The following RAB43 variants were observed in gnomAD, a reference collection of about 807,000 sequenced individuals.
The protein encoded by RAB43 is RAB43, member RAS oncogene family.
Under a neutral mutation model 18.8 loss-of-function variants are expected in RAB43, and 6 were observed. That is an observed-to-expected ratio of 0.32 (90% confidence interval 0.17 to 0.63). The LOEUF (loss-of-function observed/expected upper bound fraction) is 0.63. Among genes scored for constraint, RAB43 ranks in the 30% least tolerant of loss-of-function variants. RAB43 has a pLI of 0.79. For missense variants in RAB43, 195 were observed against 289.1 expected (o/e 0.67, Z 2.36); for synonymous variants, 103 against 124.1 (o/e 0.83, Z 1.13).
chr3:129,097,858 AG>A (rs748358285), intron 1 of RAB43, among the ~76,000 whole-genome samples: 4 of 152,166 alleles, frequency 2.6e-5, no homozygotes, highest in Non-Finnish European at 5.9e-5. Flanking sequence ...CCCCTAAAAA[AG>A]GAAAAACTCA....
chr3:129,092,364 T>A, intron 2 of RAB43: 1 of 483,078 alleles, frequency 2.1e-6, no homozygotes. Context: ...TGAATTTGTC[T>A]CAATAATCCG....
chr3:129,115,971 T>C (rs1422356765), intron 1 of RAB43, among the ~76,000 whole-genome samples: 2 of 152,244 alleles, frequency 1.3e-5, no homozygotes, highest in African/African-American at 4.8e-5. Flanking sequence ...ATGTACTGTA[T>C]CACAGTGCTT....
At chr3:129,106,663 C>T (rs1286798312) in intron 1 of RAB43, among the ~76,000 whole-genome samples, 2 of 152,130 alleles carry the variant, frequency 1.3e-5, no homozygotes, top group African/African-American at 2.4e-5. Context: ...CACAGGCTGG[C>T]GGCAGGCAGA....
At chr3:129,092,981 G>C (rs1483375166) in intron 2 of RAB43, among the ~76,000 whole-genome samples, 3 of 150,434 alleles carry the variant, frequency 2.0e-5, no homozygotes, top group Non-Finnish European at 4.4e-5. Flanking sequence ...TTCTATAATA[G>C]AATGTTTTTT....
chr3:129,099,330 A>G (rs1220810429), intron 1 of RAB43, among the ~76,000 whole-genome samples: 1 of 151,558 alleles, frequency 6.6e-6, no homozygotes, highest in Non-Finnish European at 1.5e-5. Flanking sequence ...TGACCTTGTG[A>G]TCTGCCCACC....
At position 129,092,755 on chromosome 3, in the gene RAB43, G is replaced by C. The variant is rs561047058; in HGVS notation, c.389-1409C>G. 4.1e-3 allele frequency among the ~76,000 whole-genome samples: 622 copies of C among 152,110 alleles called. 2 individuals carry two copies. The highest frequency in any genetic ancestry group is 7.1e-3 in the Non-Finnish European group (486 of 67,980). On this transcript the variant is annotated intron_variant, in intron 2 of 2. Transcript: ENST00000315150. ...GTGGATCACGAGGTCAGGAAATCGA[G>C]ACCATCCTGGCTAACATGGTGAAAC...
At position 129,104,302 on chromosome 3, in the gene RAB43, C is replaced by T. The variant is rs79319980; in HGVS notation, c.205-9133G>A. Among the ~76,000 whole-genome samples the T allele has an allele frequency of 4.4e-3, 677 of 152,340 alleles. 1 individual carries two copies. The highest frequency in any genetic ancestry group is 0.015 in the African/African-American group (640 of 41,572). On this transcript the variant is annotated intron_variant, in intron 1 of 2. Coordinates refer to ENST00000315150, the MANE Select transcript of RAB43 (RefSeq NM_198490.3). The stretch of plus-strand genomic sequence containing the variant: ...CACCCCCAAGCTCTCCTCCTGCACA[C>T]TCACCTGACCAGCCACTAACCTGAC...
rs879764211 is a variant in RAB43, at chr3:129,095,777, C to T, written c.205-608G>A. ...TGGCCAAAGCAAGGAGCTTTGGCCA[C>T]CCATGTCTTCATTTAACACCTACTC... On this transcript the variant is annotated intron_variant, in intron 1 of 2. Transcript: ENST00000315150. This position sits in a 1 kb window ranked among gnomAD's most constrained non-coding sequence, Gnocchi z 4.2. Among the ~76,000 whole-genome samples the T allele has an allele frequency of 6.6e-6, 1 of 152,176 alleles. No individual in the cohort carries two copies. Among genetic ancestry groups the T allele is most frequent in the African/African-American group, 2.4e-5 (1 of 41,452 alleles).
At chr3:129,101,999 C>A (rs1576827266) in intron 1 of RAB43, among the ~76,000 whole-genome samples, 1 of 152,176 alleles carries the variant, frequency 6.6e-6, no homozygotes, top group Non-Finnish European at 1.5e-5. Context: ...GCCAGGGAGG[C>A]CTGCCGGAAA....
At position 129,104,946 on chromosome 3, in the gene RAB43, CTCT is replaced by C. The variant is rs1283073607; in HGVS notation, c.205-9780_205-9778del. On this transcript the variant is annotated intron_variant, in intron 1 of 2. Coordinates refer to ENST00000315150, the MANE Select transcript of RAB43 (RefSeq NM_198490.3). ...GTGGTCCAACCCTGAGCAGAATTAA[CTCT>C]TCTTTCCTTCATGTTCCCATAGCTC... is the stretch of plus-strand genomic sequence containing the variant. Among the ~76,000 whole-genome samples the C allele has an allele frequency of 2.0e-5, 3 of 152,174 alleles. No homozygotes were observed. In the South Asian group the frequency reaches 6.2e-4, roughly 31 times the overall value.
intron 1 of RAB43, among the ~76,000 whole-genome samples, chr3:129,112,790 A>AC (rs1263570302): frequency 2.0e-5 from 3 of 151,296 alleles, no homozygotes; most frequent in African/African-American, 7.3e-5. Flanking sequence ...TCACTCTGTC[A>AC]CCCAGGCTGG....
chr3:129,110,757 T>A (rs1367986139), intron 1 of RAB43, among the ~76,000 whole-genome samples: 1 of 152,126 alleles, frequency 6.6e-6, no homozygotes, highest in South Asian at 2.1e-4. Context: ...GATGAAAATA[T>A]CCTAAAATCA....
At chr3:129,101,403 T>C (rs577009515) in intron 1 of RAB43, among the ~76,000 whole-genome samples, 5 of 152,302 alleles carry the variant, frequency 3.3e-5, no homozygotes, top group African/African-American at 9.6e-5. Context: ...ACTGGGGATA[T>C]AGCAGGGAAC....
intron 1 of RAB43, among the ~76,000 whole-genome samples, chr3:129,100,239 A>G (rs970290812): frequency 2.0e-5 from 3 of 152,240 alleles, no homozygotes; most frequent in Non-Finnish European, 4.4e-5. Flanking sequence ...ACAAGTGCGG[A>G]AAGAAAAAAC....
chr3:129,099,193 G>A (rs1934258350), intron 1 of RAB43, among the ~76,000 whole-genome samples: 1 of 151,170 alleles, frequency 6.6e-6, no homozygotes, highest in Admixed American at 6.6e-5. Context: ...CCGGGTTCAT[G>A]CCATTCTCCT....
At chr3:129,105,273 C>T (rs1361422879) in intron 1 of RAB43, among the ~76,000 whole-genome samples, 3 of 149,764 alleles carry the variant, frequency 2.0e-5, no homozygotes, top group Non-Finnish European at 3.0e-5. Flanking sequence ...GCCAACGTGA[C>T]GAAACCTTGT....
chr3:129,121,215 G>T, intron 1 of RAB43, 71 bp downstream of exon 1: 1 of 1,363,824 alleles, frequency 7.3e-7, no homozygotes, highest in Non-Finnish European at 1.0e-6. Flanking sequence ...GCTCGCCGCG[G>T]CCAGGGGCTC....
Position 129,091,123 on chromosome 3 carries a change from G to A in RAB43, c.612C>T (p.Ile204=), listed in dbSNP as rs759061514. 115 of 1,600,672 alleles carry A rather than the reference G, an allele frequency of 7.2e-5. 1 individual carries two copies. The highest frequency in any genetic ancestry group is 8.6e-5 in the Admixed American group (5 of 58,256). The change falls in exon 3 of 3, where the codon ATC becomes ATT. Residue 204 remains isoleucine, a synonymous_variant. Coordinates refer to ENST00000315150, the MANE Select transcript of RAB43 (RefSeq NM_198490.3). ...PDHIQLNSKD[I]GEGWGCGC ...AGCACCCGCAGCCCCAGCCTTCTCC[G>A]ATGTCCTTGCTGTTCAGCTGGATGT...
At chr3:129,121,131 G>A (rs768713593) in intron 1 of RAB43, among the ~76,000 whole-genome samples, 155 bp downstream of exon 1, 1 of 144,166 alleles carries the variant, frequency 6.9e-6, no homozygotes, top group South Asian at 2.2e-4. Flanking sequence ...CCCAGACCCC[G>A]GGGCCCAGGC....
Sources: gnomAD v4.1 joint callset for allele counts (sites outside exome capture counted in the v4.1 genomes callset) on GRCh38, gnomAD v4.1.1 for gene constraint, Gnocchi (gnomAD v3.1) non-coding constraint, MANE v1.5 for transcripts, NCBI Gene and HGNC (gene_info 2026-07-23, HGNC 2026-07-21) for gene names.